The following BLTP1 variants were observed in gnomAD, a reference collection of about 807,000 sequenced individuals.
The protein encoded by BLTP1 is fragile site-associated protein.
the BLTP1 span, chr4:122,199,484 G>A: frequency 1.3e-6 from 2 of 1,507,950 alleles, no homozygotes; most frequent in East Asian, 2.3e-5. Flanking sequence ...ATACATACTT[G>A]TATGAAAAAC....
chr4:122,240,535 A>ACC, the BLTP1 span, among the ~76,000 whole-genome samples: 1 of 152,308 alleles, frequency 6.6e-6, no homozygotes, highest in African/African-American at 2.4e-5. Context: ...AATTTAAGTA[A>ACC]ATTAAATTGA....
At chr4:122,263,536 T>C in the BLTP1 span, 5 of 1,613,362 alleles carry the variant, frequency 3.1e-6, no homozygotes, top group Non-Finnish European at 4.2e-6. Flanking sequence ...ATGCTGTGGG[T>C]AATCGAGGAA....
the BLTP1 span, chr4:122,347,330 CT>C: frequency 1.8e-5 from 16 of 871,368 alleles, 1 homozygote; most frequent in South Asian, 7.9e-4. Flanking sequence ...CTGTTTTGCT[CT>C]TTTCATGGAG....
chr4:122,232,106 T>C, the BLTP1 span: 20 of 985,314 alleles, frequency 2.0e-5, no homozygotes, highest in East Asian at 2.2e-3. Context: ...TTGCTCCAAG[T>C]AGCTCATTTA....
chr4:122,235,424 G>A, the BLTP1 span: 1 of 971,572 alleles, frequency 1.0e-6, no homozygotes, highest in Non-Finnish European at 1.2e-6. Context: ...TATACTGTTG[G>A]CCCCCATGTT....
At chr4:122,227,115 T>C in the BLTP1 span, 1 of 719,654 alleles carries the variant, frequency 1.4e-6, no homozygotes, top group Non-Finnish European at 1.8e-6. Context: ...TGCATTATTA[T>C]ACTTGTTGGG....
At chr4:122,197,074 C>T in the BLTP1 span, 1 of 621,234 alleles carries the variant, frequency 1.6e-6, no homozygotes, top group Non-Finnish European at 2.5e-6. Flanking sequence ...AACTTTTGTT[C>T]TTAGGAACTT....
At chr4:122,229,975 G>T in the BLTP1 span, 3 of 1,613,978 alleles carry the variant, frequency 1.9e-6, no homozygotes, top group Non-Finnish European at 2.5e-6. Context: ...ACAATCAATC[G>T]GTTGGGGAAG....
the BLTP1 span, chr4:122,174,345 C>T: frequency 1.0e-6 from 1 of 983,566 alleles, no homozygotes; most frequent in Non-Finnish European, 1.2e-6. Flanking sequence ...AAACTAATAT[C>T]CTCTTCAGGT....
At chr4:122,326,044 T>G in the BLTP1 span, 2 of 236,218 alleles carry the variant, frequency 8.5e-6, no homozygotes, top group South Asian at 6.0e-5. Flanking sequence ...CATAATGGTT[T>G]AAGACTGTTT....
chr4:122,250,014 T>C, the BLTP1 span: 1 of 939,856 alleles, frequency 1.1e-6, no homozygotes, highest in Non-Finnish European at 1.3e-6. Context: ...TTATGCCATA[T>C]AGGATATAAA....
the BLTP1 span, chr4:122,203,925 TAAG>T: frequency 2.5e-6 from 1 of 398,162 alleles, no homozygotes; most frequent in Non-Finnish European, 3.4e-6. Context: ...TTTCTTCAAA[TAAG>T]TAGTAATCTG....
At chr4:122,189,908 T>C in the BLTP1 span, 1 of 1,491,648 alleles carries the variant, frequency 6.7e-7, no homozygotes, top group East Asian at 2.4e-5. Context: ...TTTTTCCTTT[T>C]CTTTTCACCT....
the BLTP1 span, chr4:122,247,261 C>G: frequency 1.2e-6 from 2 of 1,613,476 alleles, no homozygotes; most frequent in Non-Finnish European, 1.7e-6. Flanking sequence ...ATCTGGATCT[C>G]TCAGATCAAA....
At chr4:122,226,752 G>T in the BLTP1 span, 2 of 1,613,336 alleles carry the variant, frequency 1.2e-6, no homozygotes, top group Non-Finnish European at 1.7e-6. Flanking sequence ...TTTTCATGTG[G>T]TATGTCGGGA....
chr4:122,213,986 G>GA, the BLTP1 span, among the ~76,000 whole-genome samples: 1 of 152,200 alleles, frequency 6.6e-6, no homozygotes, highest in South Asian at 2.1e-4. Flanking sequence ...ATAACTGCAT[G>GA]AAAGGGTATA....
At chr4:122,277,467 T>C in the BLTP1 span, 2 of 982,900 alleles carry the variant, frequency 2.0e-6, no homozygotes, top group Non-Finnish European at 2.4e-6. Context: ...GTCATTCTTT[T>C]GCTTTACTTC....
At chr4:122,272,514 T>G in the BLTP1 span, 1 of 945,196 alleles carries the variant, frequency 1.1e-6, no homozygotes, top group East Asian at 2.7e-5. Flanking sequence ...CAAATTTTTT[T>G]TTTCCCAGAA....
the BLTP1 span, among the ~76,000 whole-genome samples, chr4:122,320,228 A>G: frequency 6.6e-6 from 1 of 151,890 alleles, no homozygotes; most frequent in African/African-American, 2.4e-5. Flanking sequence ...AGCTCATTAC[A>G]ACCTCAAATT....
Sources: allele counts gnomAD v4.1 joint callset (sites outside exome capture counted in the v4.1 genomes callset), GRCh38; gene constraint gnomAD v4.1.1; transcripts MANE v1.5; gene names NCBI Gene and HGNC (gene_info 2026-07-23, HGNC 2026-07-21).